CCDC126: variants seen among roughly 807,000 people sequenced by gnomAD.
CCDC126 encodes the protein coiled-coil domain containing 126.
A neutral mutation model predicts 11.7 loss-of-function variants in CCDC126; 5 were observed. That is an observed-to-expected ratio of 0.43 (90% CI 0.22 to 0.90). The LOEUF (loss-of-function observed/expected upper bound fraction) is 0.90. Among genes scored for constraint, CCDC126 ranks in the 40% least tolerant of loss-of-function variants. The probability of loss-of-function intolerance (pLI) is 0.27; values close to 1 mark genes in which losing one functional copy is unlikely to be tolerated. For missense variants in CCDC126, 150 were observed against 163.1 expected (o/e 0.92, Z 0.44); for synonymous variants, 60 against 61.9 (o/e 0.97, Z 0.14).
chr7:23,636,020 G>C (rs1358190743), intron 3 of CCDC126, among the ~76,000 whole-genome samples: 1 of 151,762 alleles, frequency 6.6e-6, no homozygotes, highest in Non-Finnish European at 1.5e-5. Flanking sequence ...GTGCCGCCAC[G>C]CCTGACTGGT....
chr7:23,637,139 G>A (rs1783244363), intron 3 of CCDC126, among the ~76,000 whole-genome samples: 1 of 65,216 alleles, frequency 1.5e-5, no homozygotes, highest in Non-Finnish European at 3.0e-5. Flanking sequence ...GCCTCTGCCC[G>A]GCCGCCCCTA....
intron 3 of CCDC126, among the ~76,000 whole-genome samples, chr7:23,631,551 A>T (rs994007557): frequency 5.9e-5 from 9 of 152,280 alleles, no homozygotes; most frequent in African/African-American, 2.2e-4. Flanking sequence ...TCATGAGGTC[A>T]GGAGTTCAAG....
Position 23,611,451 on chromosome 7 carries a change from C to T in CCDC126, c.136C>T (p.Arg46Cys), listed in dbSNP as rs760611014. 1.1e-5 allele frequency: 17 copies of T among 1,613,658 alleles called. No homozygotes were observed. Among genetic ancestry groups the T allele is most frequent in the Admixed American group, 3.3e-5 (2 of 59,994 alleles). The change falls in exon 3 of 4, where the codon CGT becomes TGT. Residue 46 changes from arginine to cysteine, a missense_variant. Transcript: ENST00000307471. ...QPRHQSSVKL[R>C]EQILDLSKRY... ...AAGACATCAAAGCAGTGTCAAGTTA[C>T]GTGAGCAAATACTAGACTTAAGCAA...
chr7:23,640,087 G>A (rs1783326818), intron 3 of CCDC126, among the ~76,000 whole-genome samples: 1 of 152,052 alleles, frequency 6.6e-6, no homozygotes, highest in Non-Finnish European at 1.5e-5. Context: ...GGAGGCTGAG[G>A]CAGGAGAATC....
intron 1 of CCDC126, 103 bp downstream of exon 1, chr7:23,597,708 C>T (rs1433818551): frequency 6.6e-6 from 1 of 152,648 alleles, no homozygotes; most frequent in Non-Finnish European, 1.5e-5. Flanking sequence ...CCCCGGTCCC[C>T]GCCCCGCTAG....
chr7:23,636,594 C>T (rs1363965899), intron 3 of CCDC126, among the ~76,000 whole-genome samples: 4 of 129,600 alleles, frequency 3.1e-5, no homozygotes, highest in Non-Finnish European at 6.6e-5. Context: ...CCGGCCGCCC[C>T]GTCTGAGAAG....
At chr7:23,625,988 G>T (rs964687189) in intron 3 of CCDC126, among the ~76,000 whole-genome samples, 8 of 149,748 alleles carry the variant, frequency 5.3e-5, no homozygotes, top group African/African-American at 1.9e-4. Context: ...TGCTAATGCT[G>T]TCATGTGTTA....
At position 23,611,852 on chromosome 7, in the gene CCDC126, G is replaced by A. The variant is rs547084106; in HGVS notation, c.238+299G>A. Among the ~76,000 whole-genome samples the A allele has an allele frequency of 1.1e-4, 16 of 152,284 alleles. No individual in the cohort carries two copies. In the East Asian group the frequency reaches 2.5e-3, roughly 24 times the overall value. ...CTAGATATATATCGCTGAAAAAAAT[G>A]TATGTTGGAGGCCGGGCGTGATGGC... On this transcript the variant is annotated intron_variant, in intron 3 of 3. Coordinates refer to ENST00000307471, the MANE Select transcript of CCDC126 (RefSeq NM_138771.4).
chr7:23,602,217 A>G (rs968151742), intron 2 of CCDC126: 3 of 152,164 alleles, frequency 2.0e-5, no homozygotes, highest in African/African-American at 7.2e-5. Context: ...ATTTAGAAAA[A>G]AAATTTATCC....
At chr7:23,620,538 C>T (rs920575826) in intron 3 of CCDC126, among the ~76,000 whole-genome samples, 8 of 151,720 alleles carry the variant, frequency 5.3e-5, no homozygotes, top group African/African-American at 1.9e-4. Context: ...TGCCTGTTCA[C>T]TCTGATGGTA....
intron 3 of CCDC126, among the ~76,000 whole-genome samples, chr7:23,614,121 A>AT (rs1782759050): frequency 1.3e-5 from 2 of 151,994 alleles, no homozygotes; most frequent in African/African-American, 2.4e-5. Flanking sequence ...TTCATGAAAG[A>AT]TTTTTTTTGT....
In CCDC126 at chr7:23,643,052, T is replaced by C. The variant is rs1783392426; in HGVS notation, c.360T>C (p.Thr120=). ...CAGCAGCCAACACCACCAATGGTAC[T>C]AGTGGGAATTTGGTGCCAGTAACCA... ...NGSAANTTNG[T]SGNLVPVTTN... is the part of the protein sequence containing the mutation. Residue 120 remains threonine, a synonymous_variant, in exon 4 of 4, where the codon ACT becomes ACC. Transcript: ENST00000307471. 6.2e-7 allele frequency: 1 copy of C among 1,614,228 alleles called. No homozygotes were observed. Among genetic ancestry groups the C allele is most frequent in the East Asian group, 2.2e-5 (1 of 44,882 alleles).
chr7:23,601,119 C>T (rs1782534054), intron 2 of CCDC126, among the ~76,000 whole-genome samples: 1 of 151,756 alleles, frequency 6.6e-6, no homozygotes, highest in African/African-American at 2.4e-5. Context: ...CTCAGTGGCT[C>T]ATGCCTGTAA....
chr7:23,608,364 G>A (rs1413318416), intron 2 of CCDC126, among the ~76,000 whole-genome samples: 6 of 152,238 alleles, frequency 3.9e-5, no homozygotes, highest in Admixed American at 3.9e-4. Context: ...CCTGGTTTCT[G>A]TTTAGCCCAA....
chr7:23,619,850 C>G (rs572117833), intron 3 of CCDC126, among the ~76,000 whole-genome samples: 3 of 150,698 alleles, frequency 2.0e-5, no homozygotes, highest in Non-Finnish European at 4.4e-5. Context: ...TCTGTCCTTG[C>G]GATAGTTTGC....
intron 3 of CCDC126, among the ~76,000 whole-genome samples, chr7:23,632,153 G>T (rs1783127110): frequency 6.6e-6 from 1 of 150,904 alleles, no homozygotes; most frequent in Non-Finnish European, 1.5e-5. Flanking sequence ...GACTGCAGTG[G>T]TGTGATCTCA....
intron 3 of CCDC126, among the ~76,000 whole-genome samples, chr7:23,616,554 AGAAATAATTTTCCTTGAGATG>A (rs1465735118): frequency 3.3e-5 from 5 of 152,222 alleles, no homozygotes; most frequent in African/African-American, 1.2e-4. Context: ...GGCTGGGTGT[AGAAATAATTTTCCTTGAGATG>A]GAAATAATTT....
At chr7:23,629,302 T>C (rs529300386) in intron 3 of CCDC126, among the ~76,000 whole-genome samples, 1 of 152,352 alleles carries the variant, frequency 6.6e-6, no homozygotes, top group African/African-American at 2.4e-5. Flanking sequence ...CTACCTTGTC[T>C]CTTCCACCCC....
chr7:23,642,349 C>T lies in CCDC126; in HGVS notation c.239-582C>T, dbSNP rs148914109. Among the ~76,000 whole-genome samples, 19 of 152,190 alleles carry T rather than the reference C, an allele frequency of 1.2e-4. No homozygotes were observed. In the East Asian group the frequency reaches 2.9e-3, roughly 23 times the overall value. ...CTCAAGGTAAATGAGTTACTCACAGCGGGACTAACATTTTGAACCAGACTT... is the reference window on the plus strand; with the variant it reads ...CTCAAGGTAAATGAGTTACTCACAGTGGGACTAACATTTTGAACCAGACTT... On this transcript the variant is annotated intron_variant, in intron 3 of 3. Transcript: ENST00000307471.
Sources: allele counts gnomAD v4.1 joint callset (sites outside exome capture counted in the v4.1 genomes callset), GRCh38; gene constraint gnomAD v4.1.1; transcripts MANE v1.5; gene names NCBI Gene and HGNC (gene_info 2026-07-23, HGNC 2026-07-21).